ASXL3: variants seen among roughly 807,000 people sequenced by gnomAD.
The protein encoded by ASXL3 is putative Polycomb group protein ASXL3.
ASXL3 carries 34 observed loss-of-function variants against 170.6 expected under a neutral mutation model. The observed-to-expected ratio is 0.20, with a 90% CI of 0.15 to 0.27. ASXL3 has a LOEUF of 0.27. Among genes scored for constraint, ASXL3 ranks in the 10% least tolerant of loss-of-function variants. The probability of loss-of-function intolerance (pLI) is 1.00; values close to 1 mark genes in which losing one functional copy is unlikely to be tolerated. For synonymous variants in ASXL3, 1,002 were observed against 989.1 expected, an observed-to-expected ratio of 1.01 and a Z score of -0.24; for missense variants, 2,592 against 2,695.3, an observed-to-expected ratio of 0.96 and a Z score of 0.85.
intron 2 of ASXL3, among the ~76,000 whole-genome samples, chr18:33,644,581 T>G (rs1430703340): frequency 1.3e-5 from 2 of 151,496 alleles, no homozygotes; most frequent in Non-Finnish European, 3.0e-5. Context: ...ACATAAGTAT[T>G]TGGGCTTTGG....
intron 1 of ASXL3, among the ~76,000 whole-genome samples, chr18:33,586,180 G>C (rs2065032543): frequency 6.6e-6 from 1 of 151,650 alleles, no homozygotes; most frequent in Non-Finnish European, 1.5e-5. Context: ...AGAGAGTCAT[G>C]ATACAGTGAG....
At chr18:33,695,906 A>G (rs1298680634) in intron 8 of ASXL3, among the ~76,000 whole-genome samples, 1 of 152,138 alleles carries the variant, frequency 6.6e-6, no homozygotes, top group Non-Finnish European at 1.5e-5. Context: ...TACATAATTT[A>G]CTTAATAATA....
chr18:33,670,564 G>T, intron 5 of ASXL3, 109 bp from the exon 6 acceptor site: 2 of 684,192 alleles, frequency 2.9e-6, no homozygotes. Flanking sequence ...TGGAATTTAA[G>T]TCTCTTAAGA....
intron 8 of ASXL3, among the ~76,000 whole-genome samples, chr18:33,693,153 T>A (rs2066712911): frequency 6.6e-6 from 1 of 152,176 alleles, no homozygotes; most frequent in Admixed American, 6.5e-5. Flanking sequence ...GAAGTAGTCA[T>A]CCAAAACTTG....
chr18:33,651,184 C>G (rs1023429297), intron 4 of ASXL3, among the ~76,000 whole-genome samples: 2 of 152,040 alleles, frequency 1.3e-5, no homozygotes, highest in African/African-American at 2.4e-5. Flanking sequence ...AAAGAGGAAC[C>G]CTTGGCTTAT....
At chr18:33,702,174 C>G (rs1260601498) in intron 8 of ASXL3, among the ~76,000 whole-genome samples, 1 of 152,100 alleles carries the variant, frequency 6.6e-6, no homozygotes, top group South Asian at 2.1e-4. Context: ...ATGCCTACTT[C>G]GAAAACCTTT....
chr18:33,633,686 CA>C (rs925421907), intron 2 of ASXL3, among the ~76,000 whole-genome samples: 1 of 149,958 alleles, frequency 6.7e-6, no homozygotes, highest in South Asian at 2.1e-4. Context: ...TACTAAAATA[CA>C]AAAAAAAATT....
intron 9 of ASXL3, 106 bp from the exon 10 acceptor site, chr18:33,734,204 C>A: frequency 1.5e-6 from 1 of 647,870 alleles, no homozygotes. Context: ...TGTCCTTGTA[C>A]TTTTCAAGAT....
chr18:33,660,942 G>A (rs985658616), intron 4 of ASXL3, among the ~76,000 whole-genome samples: 1 of 152,094 alleles, frequency 6.6e-6, no homozygotes, highest in African/African-American at 2.4e-5. Flanking sequence ...CCTAAAAAGC[G>A]GTCTTTTGGA....
chr18:33,693,310 T>C (rs2066716224), intron 8 of ASXL3, among the ~76,000 whole-genome samples: 1 of 152,096 alleles, frequency 6.6e-6, no homozygotes, highest in Non-Finnish European at 1.5e-5. Flanking sequence ...AGGCAGTTAA[T>C]TGGAGAAATT....
intron 5 of ASXL3, among the ~76,000 whole-genome samples, chr18:33,663,723 C>A (rs896917753): frequency 6.6e-6 from 1 of 152,032 alleles, no homozygotes; most frequent in African/African-American, 2.4e-5. Flanking sequence ...TAATCAAATT[C>A]AGATTGGAAA....
chr18:33,629,546 G>A (rs2065647838), intron 2 of ASXL3, among the ~76,000 whole-genome samples: 1 of 151,944 alleles, frequency 6.6e-6, no homozygotes, highest in Non-Finnish European at 1.5e-5. Flanking sequence ...TTAAATAGGG[G>A]CCCAGGTTTA....
intron 8 of ASXL3, among the ~76,000 whole-genome samples, chr18:33,700,645 C>A (rs1427627682): frequency 6.6e-6 from 1 of 152,064 alleles, no homozygotes; most frequent in Non-Finnish European, 1.5e-5. Context: ...CATCAGGCTA[C>A]CTTAGAGAGC....
At chr18:33,685,123 CT>C (rs1480524550) in intron 8 of ASXL3, among the ~76,000 whole-genome samples, 4 of 152,030 alleles carry the variant, frequency 2.6e-5, no homozygotes, top group African/African-American at 9.7e-5. Flanking sequence ...AAGACCATTA[CT>C]TTTTAAGGAA....
chr18:33,584,968 G>T (rs1568263113), intron 1 of ASXL3, among the ~76,000 whole-genome samples: 2 of 151,650 alleles, frequency 1.3e-5, no homozygotes, highest in African/African-American at 4.8e-5. Flanking sequence ...AACAATATGG[G>T]TGTTTAAAGT....
At chr18:33,732,860 CAA>C (rs58760847) in intron 9 of ASXL3, among the ~76,000 whole-genome samples, 65,979 of 134,428 alleles carry the variant, frequency 0.49, 15,683 homozygotes, top group East Asian at 0.79. Context: ...CACCCTGTCT[CAA>C]AAAAAAAAAA....
intron 2 of ASXL3, among the ~76,000 whole-genome samples, chr18:33,628,502 AT>A (rs1477258802): frequency 1.3e-5 from 2 of 152,230 alleles, no homozygotes; most frequent in African/African-American, 4.8e-5. Flanking sequence ...CAATTTTAAG[AT>A]TATCAAATGA....
intron 1 of ASXL3, among the ~76,000 whole-genome samples, chr18:33,590,111 G>GTTTTTTTTTTTGTTT (rs2065064686): frequency 1.2e-4 from 10 of 83,184 alleles, no homozygotes; most frequent in African/African-American, 4.1e-4. Context: ...TGCTTTCTAT[G>GTTTTTTTTTTTGTTT]TTTTTTTTTT....
intron 8 of ASXL3, among the ~76,000 whole-genome samples, chr18:33,708,307 C>T (rs980554228): frequency 6.6e-5 from 10 of 152,202 alleles, no homozygotes; most frequent in Admixed American, 2.0e-4. Context: ...TTTCTATCGT[C>T]TCAGTTTTCA....
Sources: gnomAD v4.1 joint callset for allele counts (sites outside exome capture counted in the v4.1 genomes callset) on GRCh38, gnomAD v4.1.1 for gene constraint, MANE v1.5 for transcripts, NCBI Gene and HGNC (gene_info 2026-07-23, HGNC 2026-07-21) for gene names.